Variants in RGS12 observed in about 807,000 individuals in gnomAD.
RGS12 encodes the protein regulator of G-protein signaling 12.
A neutral mutation model predicts 120.1 loss-of-function variants in RGS12; 66 were observed. That is an observed-to-expected ratio of 0.55 (90% confidence interval 0.45 to 0.67). RGS12 has a LOEUF of 0.67. RGS12 is among the 30% of genes least tolerant of loss of function. RGS12 has a pLI of 0.00. For missense variants in RGS12, 1,859 were observed against 1,957.7 expected (o/e 0.95, Z 0.95); for synonymous variants, 827 against 804.7 (o/e 1.03, Z -0.47).
At chr4:3,318,162 C>T in intron 2 of RGS12, 111 bp downstream of exon 2, 1 of 985,222 alleles carries the variant, frequency 1.0e-6, no homozygotes, top group Non-Finnish European at 1.5e-6. Context: ...CTCCTGCTGG[C>T]CCTGTGGCCT....
At chr4:3,304,116 C>T (rs893230026) in intron 1 of RGS12, among the ~76,000 whole-genome samples, 1 of 152,062 alleles carries the variant, frequency 6.6e-6, no homozygotes. Context: ...TGTGTGTGTC[C>T]CTGATGCTCA....
At chr4:3,307,757 C>A (rs902680732) in intron 1 of RGS12, among the ~76,000 whole-genome samples, 1 of 152,192 alleles carries the variant, frequency 6.6e-6, no homozygotes, top group African/African-American at 2.4e-5. Flanking sequence ...CAGATGGCAG[C>A]CTGTTTCCTT....
At chr4:3,368,538 TGG>T (rs1716610906) in intron 3 of RGS12, among the ~76,000 whole-genome samples, 1 of 112,370 alleles carries the variant, frequency 8.9e-6, no homozygotes, top group Admixed American at 9.7e-5. Context: ...CGTGTGTGTG[TGG>T]GGTACGTGTG....
rs990029984 is a variant in RGS12 at position 3,337,568 on chromosome 4, G to A, written c.1882-5369G>A. ...GAAGGCTACAACATGGATGACCCTT[G>A]AGGACACCATGCTCAGCAAAATCAG... On this transcript the variant is annotated intron_variant, in intron 2 of 17. Transcript: ENST00000336727. Among the ~76,000 whole-genome samples the A allele has an allele frequency of 7.6e-4, 115 of 152,292 alleles. 1 individual carries two copies. Among genetic ancestry groups the A allele is most frequent in the African/African-American group, 2.7e-3 (112 of 41,552 alleles).
At chr4:3,371,901 C>T (rs76889699) in intron 3 of RGS12, among the ~76,000 whole-genome samples, 2,734 of 152,240 alleles carry the variant, frequency 0.018, 69 homozygotes, top group African/African-American at 0.059. Flanking sequence ...AGGATGCCCC[C>T]GCCTTTCTAG....
chr4:3,428,451 T>G, intron 15 of RGS12, 107 bp from the exon 16 acceptor site: 1 of 1,012,278 alleles, frequency 9.9e-7, no homozygotes, highest in South Asian at 1.6e-5. Flanking sequence ...ATGTAAATTC[T>G]GTATCAATGC....
chr4:3,344,465 GTTCA>G (rs1013716167), intron 3 of RGS12, among the ~76,000 whole-genome samples: 1 of 152,212 alleles, frequency 6.6e-6, no homozygotes, highest in Non-Finnish European at 1.5e-5. Context: ...CACAAGTCCT[GTTCA>G]TTTTCCTCCT....
chr4:3,333,754 AG>A (rs1318242061), intron 2 of RGS12, among the ~76,000 whole-genome samples: 2 of 152,160 alleles, frequency 1.3e-5, no homozygotes, highest in Non-Finnish European at 2.9e-5. Context: ...TCTGTCTTCT[AG>A]GGCAGGTTTT....
intron 3 of RGS12, among the ~76,000 whole-genome samples, chr4:3,367,767 C>G (rs1019901630): frequency 3.9e-5 from 6 of 152,168 alleles, no homozygotes; most frequent in Admixed American, 3.9e-4. Context: ...AGGTCAGCAG[C>G]TGCAGAAAAG....
Position 3,422,451 on chromosome 4 carries a change from A to G in RGS12, c.2914A>G (p.Thr972Ala), listed in dbSNP as rs1426218301. 1.9e-6 allele frequency: 3 copies of G among 1,613,142 alleles called. No homozygotes were observed. In the Admixed American group the frequency reaches 5.0e-5, roughly 27 times the overall value. The change falls in exon 11 of 18, where the codon ACA (threonine) becomes GCA (alanine). Residue 972 changes from threonine to alanine, a missense_variant. By Grantham distance (58) the Thr-to-Ala change is moderately conservative. Around this residue, in one of 3 missense-constraint regions of RGS12, gnomAD observed 375 missense variants for 475.0 expected, o/e 0.79. Coordinates refer to ENST00000336727, the MANE Select transcript of RGS12 (RefSeq NM_001394154.1). The stretch of plus-strand genomic sequence containing the variant: ...CTGCTGCATTCATCTCCCGGATGGG[A>G]CATCCTGCGTGGTGGCTGTCAAGGC... ...KHCCIHLPDG[T>A]SCVVAVKAGF...
chr4:3,291,472 A>G (rs112361491), upstream of RGS12, among the ~76,000 whole-genome samples: 306 of 150,738 alleles, frequency 2.0e-3, 2 homozygotes, highest in Non-Finnish European at 3.8e-3. Context: ...TCTGCCTCCC[A>G]ACTAGCTTCG....
At chr4:3,311,348 T>C (rs1170872784) in intron 1 of RGS12, among the ~76,000 whole-genome samples, 1 of 152,216 alleles carries the variant, frequency 6.6e-6, no homozygotes, top group African/African-American at 2.4e-5. Context: ...TGGAGGAGTT[T>C]ATCAGAACAG....
rs1712169327 is a variant in RGS12, at chr4:3,333,976, T to C, written c.1882-8961T>C. Among the ~76,000 whole-genome samples the C allele has an allele frequency of 2.6e-5, 4 of 152,252 alleles. No individual in the cohort carries two copies. In the South Asian group the frequency reaches 8.3e-4, roughly 32 times the overall value. On this transcript the variant is annotated intron_variant, in intron 2 of 17. Transcript: ENST00000336727. Reference sequence around the variant, plus strand: ...CAGTAAAACTTTGTAATTTCCTTCATAAACATCTTTAATTAAATTTATTCT... The same window carrying C: ...CAGTAAAACTTTGTAATTTCCTTCACAAACATCTTTAATTAAATTTATTCT...
chr4:3,301,465 T>C (rs1197175984), intron 1 of RGS12, among the ~76,000 whole-genome samples: 2 of 152,152 alleles, frequency 1.3e-5, no homozygotes, highest in African/African-American at 2.4e-5. Context: ...GAGAATCACA[T>C]GTAGGAGGCT....
In RGS12 at chr4:3,350,153, T is replaced by TA. The variant is rs1291733360; in HGVS notation, c.1998+7101dup. ...GGTATTTTGCTGATAACACAGAAGA[T>TA]ACAGCAATTTTGATTAAACTAACAG... is the stretch of plus-strand genomic sequence containing the variant. On this transcript the variant is annotated intron_variant, in intron 3 of 17. Transcript: ENST00000336727. Among the ~76,000 whole-genome samples, 26 of 152,352 alleles carry TA rather than the reference T, an allele frequency of 1.7e-4. 1 individual carries two copies. Among genetic ancestry groups the TA allele is most frequent in the African/African-American group, 6.0e-4 (25 of 41,584 alleles).
chr4:3,390,714 A>T lies in RGS12; in HGVS notation c.2020+4277A>T. On this transcript the variant is annotated intron_variant, in intron 4 of 17. Coordinates refer to ENST00000336727, the MANE Select transcript of RGS12 (RefSeq NM_001394154.1). This position sits in a 1 kb window ranked among gnomAD's most constrained non-coding sequence, Gnocchi z 4.6. ...AGCTGACAGGCCGATCTCTTGGGGC[A>T]AGTCACTTTCTCTCTCCTAGCCTTG... is the stretch of plus-strand genomic sequence containing the variant. Among the ~76,000 whole-genome samples, 1 of 152,174 alleles carries T rather than the reference A, an allele frequency of 6.6e-6. No homozygotes were observed. The highest frequency in any genetic ancestry group is 1.9e-4 in the East Asian group (1 of 5,190).
chr4:3,423,120 T>C, intron 12 of RGS12, 142 bp downstream of exon 12: 1 of 415,114 alleles, frequency 2.4e-6, no homozygotes, highest in Non-Finnish European at 4.7e-6. Context: ...GGGGGGAGGG[T>C]GGAGGCCCAC....
At chr4:3,427,533 C>T (rs746987206) in intron 14 of RGS12, among the ~76,000 whole-genome samples, 1 of 152,106 alleles carries the variant, frequency 6.6e-6, no homozygotes, top group African/African-American at 2.4e-5. Context: ...GTCAGGAGTT[C>T]GAAACCAGCC....
chr4:3,430,324 A>G, intron 16 of RGS12, 83 bp from the exon 17 acceptor site: 1 of 1,294,884 alleles, frequency 7.7e-7, no homozygotes, highest in African/African-American at 1.5e-5. Flanking sequence ...GCCCAGGATG[A>G]GAGCTTTCTA....
Sources: allele counts gnomAD v4.1 joint callset (sites outside exome capture counted in the v4.1 genomes callset), GRCh38; gene constraint gnomAD v4.1.1; regional missense constraint gnomAD v4.1.1; non-coding constraint Gnocchi (gnomAD v3.1); transcripts MANE v1.5; gene names NCBI Gene and HGNC (gene_info 2026-07-23, HGNC 2026-07-21).